WDR11: variants seen among roughly 807,000 people sequenced by gnomAD.
The protein encoded by WDR11 is WD repeat domain 11, also known as WD repeat-containing protein 11.
In WDR11, 83 loss-of-function variants were observed where a neutral mutation model predicts 151.2. The observed-to-expected ratio is 0.55, with a 90% CI of 0.46 to 0.66. The LOEUF is 0.66. Among genes scored for constraint, WDR11 ranks in the 30% least tolerant of loss-of-function variants. WDR11 has a pLI of 0.00. For missense variants in WDR11, 1,301 were observed against 1,480.9 expected (o/e 0.88, Z 1.99); for synonymous variants, 484 against 533.1 (o/e 0.91, Z 1.27).
Position 120,851,567 on chromosome 10 carries a change from G to A in WDR11, c.86+61G>A, listed in dbSNP as rs932280630. Reference sequence around the variant, plus strand: ...CCAGGAATGTGTGAGGGGGAAGGGGGAAGGACAAGAGGTTTCACCCCCTGG... The same window carrying A: ...CCAGGAATGTGTGAGGGGGAAGGGGAAAGGACAAGAGGTTTCACCCCCTGG... On this transcript the variant is annotated intron_variant, in intron 1 of 28. Transcript: ENST00000263461. 4 of 1,566,598 alleles carry A rather than the reference G, an allele frequency of 2.6e-6. No homozygotes were observed. In the African/African-American group the frequency reaches 4.0e-5, roughly 16 times the overall value.
chr10:120,866,541 C>G lies in WDR11; in HGVS notation c.995-28C>G, dbSNP rs780214514. The G allele has an allele frequency of 4.0e-5, 65 of 1,613,426 alleles. No homozygotes were observed. The highest frequency in any genetic ancestry group is 3.3e-4 in the Middle Eastern group (2 of 6,082). ...GTAGTGGTATCGATATGGCTGCTTT[C>G]TGATATTTAAAACAATTTTATGTGA... On this transcript the variant is annotated intron_variant, in intron 7 of 28. Transcript: ENST00000263461.
At chr10:120,904,384 G>A (rs763994726) in intron 24 of WDR11, among the ~76,000 whole-genome samples, 3 of 151,812 alleles carry the variant, frequency 2.0e-5, no homozygotes, top group Admixed American at 6.6e-5. Context: ...TATTTGTTTT[G>A]TTTTGTTTTT....
intron 13 of WDR11, among the ~76,000 whole-genome samples, chr10:120,883,455 T>C (rs913460859): frequency 6.6e-6 from 1 of 152,172 alleles, no homozygotes; most frequent in Admixed American, 6.5e-5. Flanking sequence ...TTAATTGAGG[T>C]ACATGATGAG....
intron 5 of WDR11, among the ~76,000 whole-genome samples, chr10:120,864,402 A>G (rs1053020676): frequency 1.3e-5 from 2 of 152,242 alleles, no homozygotes; most frequent in African/African-American, 4.8e-5. Flanking sequence ...AGAAAAGGTC[A>G]TTGAATGTAT....
In WDR11 at chr10:120,867,163, A is replaced by G. The variant is rs199871984; in HGVS notation, c.1288A>G (p.Met430Val). The G allele has an allele frequency of 2.7e-5, 44 of 1,611,984 alleles. No homozygotes were observed. The Middle Eastern group carries it at 4.9e-4, about 18-fold the overall frequency. ...ACTCCCAGACCTTTCCTTAGATAAC[A>G]TGATTGGTAAGCTTTTTTCCCCTCT... is the stretch of plus-strand genomic sequence containing the variant. ...NKLPDLSLDN[M>V]IGQSAIAGEE... Residue 430 changes from methionine (M) to valine (V), a missense_variant, in exon 9 of 29, where the codon ATG becomes GTG. Coordinates refer to ENST00000263461, the MANE Select transcript of WDR11 (RefSeq NM_018117.12).
intron 7 of WDR11, 149 bp from the exon 8 acceptor site, chr10:120,866,420 G>A: frequency 1.2e-6 from 1 of 806,318 alleles, no homozygotes; most frequent in Non-Finnish European, 2.0e-6. Flanking sequence ...AAAAAATTTA[G>A]TAGTAATTGT....
chr10:120,904,167 A>G (rs779006757), intron 24 of WDR11, 25 bp downstream of exon 24: 2 of 1,514,870 alleles, frequency 1.3e-6, no homozygotes, highest in Non-Finnish European at 1.8e-6. Flanking sequence ...ATAACTCTAC[A>G]TGCTTCATTA....
At chr10:120,907,751 C>T (rs1471372655) in intron 28 of WDR11, 2 of 151,792 alleles carry the variant, frequency 1.3e-5, no homozygotes, top group African/African-American at 4.9e-5. Context: ...CTCAAGCAGT[C>T]CTCCCACCTC....
intron 1 of WDR11, 60 bp downstream of exon 1, chr10:120,851,566 G>A (rs1564932818): frequency 1.3e-6 from 2 of 1,567,020 alleles, no homozygotes; most frequent in East Asian, 2.3e-5. Context: ...GGGGGAAGGG[G>A]GAAGGACAAG....
intron 4 of WDR11, among the ~76,000 whole-genome samples, chr10:120,861,144 G>C (rs1846122379): frequency 6.6e-6 from 1 of 152,162 alleles, no homozygotes; most frequent in African/African-American, 2.4e-5. Flanking sequence ...ATGTGAAGGA[G>C]GTAAGGGAAT....
chr10:120,902,886 G>A (rs1334495937), intron 22 of WDR11, among the ~76,000 whole-genome samples, 169 bp from the exon 23 acceptor site: 1 of 152,180 alleles, frequency 6.6e-6, no homozygotes, highest in Non-Finnish European at 1.5e-5. Context: ...TGAAGGCCCA[G>A]TAGCAGGGCA....
At chr10:120,898,945 C>T (rs1847710585) in intron 19 of WDR11, among the ~76,000 whole-genome samples, 1 of 152,142 alleles carries the variant, frequency 6.6e-6, no homozygotes, top group African/African-American at 2.4e-5. Context: ...TGTGTCTATT[C>T]AAGGGATCCA....
At chr10:120,890,134 AC>A (rs1847377689) in intron 18 of WDR11, 125 bp downstream of exon 18, 1 of 685,822 alleles carries the variant, frequency 1.5e-6, no homozygotes, top group Non-Finnish European at 2.6e-6. Flanking sequence ...GTTTCCCATA[AC>A]AAATTATTTT....
At chr10:120,869,114 T>TG (rs1846425207) in intron 9 of WDR11, among the ~76,000 whole-genome samples, 2 of 144,626 alleles carry the variant, frequency 1.4e-5, no homozygotes, top group Admixed American at 6.9e-5. Context: ...AGGTTTTTTT[T>TG]TTTTTTTTTT....
In WDR11 at chr10:120,908,689, C is replaced by A. The variant is rs777073868; in HGVS notation, c.3651C>A (p.Pro1217=). Residue 1217 remains proline, a synonymous_variant, in exon 29 of 29, where the codon CCC becomes CCA. Transcript: ENST00000263461. The part of the protein sequence containing the change: ...GKDLLNELES[P]KEEPIEE ...ACTTATTGAATGAGCTTGAGTCCCC[C>A]AAGGAAGAACCCATTGAAGAGTGAC... The A allele has an allele frequency of 2.5e-6, 4 of 1,614,030 alleles. No homozygotes were observed. Among genetic ancestry groups the A allele is most frequent in the Admixed American group, 3.3e-5 (2 of 59,996 alleles).
chr10:120,905,561 ATT>A, intron 26 of WDR11, 145 bp downstream of exon 26: 1 of 894,872 alleles, frequency 1.1e-6, no homozygotes, highest in Non-Finnish European at 1.8e-6. Context: ...TCCTTTTCCT[ATT>A]CTTTATGAGT....
At chr10:120,904,177 A>G in intron 24 of WDR11, 35 bp downstream of exon 24, 2 of 1,473,728 alleles carry the variant, frequency 1.4e-6, no homozygotes, top group Non-Finnish European at 1.9e-6. Flanking sequence ...ATGCTTCATT[A>G]AATTGCTAGT....
intron 19 of WDR11, among the ~76,000 whole-genome samples, chr10:120,892,226 T>C (rs1847450466): frequency 6.6e-6 from 1 of 152,238 alleles, no homozygotes; most frequent in Non-Finnish European, 1.5e-5. Context: ...TATTAACCCA[T>C]GTTCAATACC....
intron 23 of WDR11, among the ~76,000 whole-genome samples, chr10:120,903,780 ATCCTTC>A (rs1470102753): frequency 2.0e-5 from 3 of 152,200 alleles, no homozygotes; most frequent in African/African-American, 7.2e-5. Context: ...CTCCTGCAGA[ATCCTTC>A]AGTGCACATA....
Sources: gnomAD v4.1 joint callset for allele counts (sites outside exome capture counted in the v4.1 genomes callset) on GRCh38, gnomAD v4.1.1 for gene constraint, MANE v1.5 for transcripts, NCBI Gene and HGNC (gene_info 2026-07-23, HGNC 2026-07-21) for gene names.